TMEM154: variants seen among roughly 807,000 people sequenced by gnomAD.
The protein encoded by TMEM154 is transmembrane protein 154.
A neutral mutation model predicts 24.5 loss-of-function variants in TMEM154; 27 were observed. That is an observed-to-expected ratio of 1.10 (90% CI 0.81 to 1.52). The LOEUF (loss-of-function observed/expected upper bound fraction) is 1.52. Among genes scored for constraint, TMEM154 ranks in the 40% most tolerant of loss-of-function variants. The pLI is 0.00. For missense variants in TMEM154, 228 were observed against 213.4 expected, an observed-to-expected ratio of 1.07 and a Z score of -0.43; for synonymous variants, 67 against 76.8, an observed-to-expected ratio of 0.87 and a Z score of 0.67.
At chr4:152,644,979 T>G (rs1752330476) in intron 3 of TMEM154, among the ~76,000 whole-genome samples, 1 of 152,142 alleles carries the variant, frequency 6.6e-6, no homozygotes, top group Non-Finnish European at 1.5e-5. Flanking sequence ...GGTCCCAGCT[T>G]AAATACTCTT....
chr4:152,640,876 T>TCCCCCCC, intron 6 of TMEM154, 52 bp downstream of exon 6: 8 of 1,113,604 alleles, frequency 7.2e-6, no homozygotes, highest in Non-Finnish European at 9.4e-6. Context: ...TGGTTCCCAA[T>TCCCCCCC]CCCCCCGCCC....
intron 3 of TMEM154, among the ~76,000 whole-genome samples, chr4:152,649,734 G>A (rs1728336319): frequency 6.6e-6 from 1 of 152,110 alleles, no homozygotes; most frequent in South Asian, 2.1e-4. Context: ...TGTTATACTG[G>A]CTTATTGGCT....
intron 1 of TMEM154, among the ~76,000 whole-genome samples, chr4:152,672,696 G>C (rs1408452130): frequency 1.3e-5 from 2 of 152,144 alleles, no homozygotes; most frequent in South Asian, 2.1e-4. Context: ...GAACTCACAG[G>C]CTCTCTCATT....
chr4:152,631,874 G>A (rs563770616), intron 6 of TMEM154, among the ~76,000 whole-genome samples: 183 of 121,294 alleles, frequency 1.5e-3, no homozygotes, highest in African/African-American at 5.3e-3. Flanking sequence ...GTGCTATCTC[G>A]GCTTGCTGCA....
At chr4:152,646,414 A>C (rs1728229930) in intron 3 of TMEM154, 1 of 153,998 alleles carries the variant, frequency 6.5e-6, no homozygotes, top group Non-Finnish European at 1.4e-5. Flanking sequence ...TGCTCCAGCC[A>C]CCATGGCAAC....
chr4:152,645,934 TACAC>T (rs10545647), intron 3 of TMEM154, among the ~76,000 whole-genome samples: 35,304 of 140,206 alleles, frequency 0.25, 4,427 homozygotes, highest in African/African-American at 0.32. Flanking sequence ...GAAAGGAGAA[TACAC>T]ACACACACAC....
intron 3 of TMEM154, among the ~76,000 whole-genome samples, chr4:152,651,717 T>C (rs1428440255): frequency 1.3e-5 from 2 of 152,270 alleles, no homozygotes; most frequent in Non-Finnish European, 2.9e-5. Context: ...GTTCACTGAG[T>C]AGCACTTTTA....
chr4:152,661,280 CTCTT>C (rs1178130143), intron 1 of TMEM154, among the ~76,000 whole-genome samples: 16 of 96,202 alleles, frequency 1.7e-4, no homozygotes, highest in African/African-American at 3.9e-4. Context: ...AGGGATTGTT[CTCTT>C]TCTCTCTCTC....
intron 5 of TMEM154, chr4:152,641,229 C>T (rs1315035577): frequency 6.4e-6 from 3 of 465,726 alleles, no homozygotes; most frequent in Non-Finnish European, 7.5e-6. Context: ...CACAATTCAT[C>T]ACTGCTTGGT....
chr4:152,638,746 G>A (rs1355615242), intron 6 of TMEM154, among the ~76,000 whole-genome samples: 1 of 152,164 alleles, frequency 6.6e-6, no homozygotes, highest in Non-Finnish European at 1.5e-5. Flanking sequence ...AAAGTGCCTA[G>A]TGGTACAAAG....
intron 1 of TMEM154, among the ~76,000 whole-genome samples, chr4:152,678,873 TGGAGTGG>T (rs1210319471): frequency 5.9e-5 from 9 of 152,152 alleles, no homozygotes; most frequent in Non-Finnish European, 8.8e-5. Context: ...GAGAAATTGA[TGGAGTGG>T]GGTGGCTGGG....
At chr4:152,640,413 T>C (rs1283866133) in intron 6 of TMEM154, among the ~76,000 whole-genome samples, 1 of 152,180 alleles carries the variant, frequency 6.6e-6, no homozygotes, top group African/African-American at 2.4e-5. Flanking sequence ...TAATTTAAAA[T>C]GAGATTGTGG....
At chr4:152,668,343 A>G (rs1728761667) in intron 1 of TMEM154, 1 of 152,120 alleles carries the variant, frequency 6.6e-6, no homozygotes, top group Non-Finnish European at 1.5e-5. Flanking sequence ...CAAACTGAAT[A>G]CTTTCCCAAT....
At chr4:152,643,392 T>C (rs1461451217) in intron 4 of TMEM154, among the ~76,000 whole-genome samples, 2 of 152,158 alleles carry the variant, frequency 1.3e-5, no homozygotes, top group Admixed American at 6.5e-5. Flanking sequence ...GGTCCAAAAG[T>C]GGGGTGCCCA....
At chr4:152,674,246 A>G (rs915954365) in intron 1 of TMEM154, among the ~76,000 whole-genome samples, 1 of 152,112 alleles carries the variant, frequency 6.6e-6, no homozygotes, top group Non-Finnish European at 1.5e-5. Context: ...AACAGGCTAT[A>G]TAATGTTTTC....
intron 1 of TMEM154, among the ~76,000 whole-genome samples, chr4:152,675,285 G>A (rs993534403): frequency 1.8e-5 from 1 of 54,422 alleles, no homozygotes; most frequent in Non-Finnish European, 7.8e-5. Context: ...CATAAAAGAA[G>A]GAATAAATAA....
rs754293613 is a variant in TMEM154 at position 152,652,690 on chromosome 4, T to C, written c.302A>G (p.Tyr101Cys). ...ACCTTGTTTAGTTCTTTTTCTTTTA[T>C]AGTATGTTGCAAGGAATACCACGGA... ...LLSVVFLATY[Y>C]KRKRTKQEPS... The change falls in exon 2 of 7, where the codon TAT becomes TGT. Residue 101 changes from tyrosine (Y) to cysteine (C), a missense_variant. Tyr to Cys is a radical substitution (Grantham distance 194). Transcript: ENST00000304385. 1.9e-6 allele frequency: 3 copies of C among 1,613,630 alleles called. No individual in the cohort carries two copies. Among genetic ancestry groups the C allele is most frequent in the Non-Finnish European group, 2.5e-6 (3 of 1,179,870 alleles).
chr4:152,647,244 T>C, intron 3 of TMEM154: 1 of 985,190 alleles, frequency 1.0e-6, no homozygotes, highest in Non-Finnish European at 1.2e-6. Context: ...AGTGTGCAGG[T>C]GTCCATGCTC....
intron 1 of TMEM154, among the ~76,000 whole-genome samples, chr4:152,660,570 C>A (rs1033480102): frequency 1.3e-5 from 2 of 152,118 alleles, no homozygotes; most frequent in African/African-American, 2.4e-5. Flanking sequence ...ACACAACTTG[C>A]CCAAGATCAC....
Sources: gnomAD v4.1 joint callset for allele counts (sites outside exome capture counted in the v4.1 genomes callset) on GRCh38, gnomAD v4.1.1 for gene constraint, MANE v1.5 for transcripts, NCBI Gene and HGNC (gene_info 2026-07-23, HGNC 2026-07-21) for gene names.